The following USP33 variants were observed in gnomAD, a reference collection of about 807,000 sequenced individuals.
USP33 encodes the protein ubiquitin carboxyl-terminal hydrolase 33.
USP33 carries 46 observed loss-of-function variants against 124.2 expected under a neutral mutation model. The observed-to-expected ratio is 0.37, with a 90% CI of 0.29 to 0.47. USP33 has a LOEUF of 0.47. USP33 is among the 20% of genes least tolerant of loss of function. The pLI is 0.99. For missense variants in USP33, 851 were observed against 1,070.6 expected (o/e 0.79, Z 2.86); for synonymous variants, 350 against 352.3 (o/e 0.99, Z 0.07).
At chr1:77,741,330 TTTA>T (rs1478868111) in intron 3 of USP33, 43 bp downstream of exon 3, 2 of 1,539,194 alleles carry the variant, frequency 1.3e-6, no homozygotes, top group Non-Finnish European at 1.7e-6. Context: ...CAGATCCAAA[TTTA>T]TTATTATTAT....
chr1:77,759,033 A>G (rs146207787), intron 1 of USP33, among the ~76,000 whole-genome samples: 87 of 152,332 alleles, frequency 5.7e-4, no homozygotes, highest in African/African-American at 2.0e-3. Flanking sequence ...TACGAGAAAT[A>G]TAAGTAAAGG....
In USP33 at chr1:77,711,563, A is replaced by G; in HGVS notation, c.2406+184T>C. ...CACACACACACACACACACACACAA[A>G]GGGAGAACATAACTCAACAGAACTG... On this transcript the variant is annotated intron_variant, in intron 21 of 23. Transcript: ENST00000370794. 4 of 904,428 alleles carry G rather than the reference A, an allele frequency of 4.4e-6. 1 individual carries two copies. Among genetic ancestry groups the G allele is most frequent in the South Asian group, 2.2e-5 (1 of 46,272 alleles). 56.0% of individuals were successfully genotyped at this position (904,428 alleles called of 1,614,324 possible). A position where few individuals can be genotyped will look rare whatever the true frequency, so the allele number is the denominator to read the frequency against.
intron 22 of USP33, among the ~76,000 whole-genome samples, chr1:77,700,863 G>T (rs1302969426): frequency 6.6e-6 from 1 of 151,900 alleles, no homozygotes; most frequent in Admixed American, 6.6e-5. Flanking sequence ...ACCACACCCA[G>T]CTAATTTTTG....
rs1673605646 is a variant in USP33 at position 77,698,144 on chromosome 1, C to A, written c.2510-213G>T. Among the ~76,000 whole-genome samples the A allele has an allele frequency of 2.0e-5, 3 of 151,004 alleles. No individual in the cohort carries two copies. In the South Asian group the frequency reaches 6.3e-4, roughly 32 times the overall value. On this transcript the variant is annotated intron_variant, in intron 22 of 23. Transcript: ENST00000370794. Reference sequence around the variant, plus strand: ...GCAGTGGCACCATCACAGCTCACTGCAACCTCCGCCTTGGGTTCAAGTGAT... The same window carrying A: ...GCAGTGGCACCATCACAGCTCACTGAAACCTCCGCCTTGGGTTCAAGTGAT...
intron 22 of USP33, among the ~76,000 whole-genome samples, chr1:77,699,628 G>A (rs1375751416): frequency 1.3e-5 from 2 of 152,208 alleles, no homozygotes; most frequent in African/African-American, 2.4e-5. Context: ...GTGGAAGACA[G>A]TGTGGCAATT....
intron 21 of USP33, among the ~76,000 whole-genome samples, chr1:77,709,619 T>G (rs1021186988): frequency 6.6e-6 from 1 of 150,936 alleles, no homozygotes; most frequent in Non-Finnish European, 1.5e-5. Context: ...GAACATATTC[T>G]CTCTCTATAT....
intron 5 of USP33, among the ~76,000 whole-genome samples, chr1:77,737,559 G>A (rs1218706460): frequency 6.6e-6 from 1 of 152,036 alleles, no homozygotes; most frequent in Non-Finnish European, 1.5e-5. Flanking sequence ...ATAAGTTTTG[G>A]ACCACTAAAG....
rs1557808752 is a variant in USP33 at position 77,701,459 on chromosome 1, A to T, written c.2419T>A (p.Phe807Ile). The part of the protein sequence containing the change: ...LEIFIRLNRA[F>I]QKEDSPATFY... Reference sequence around the variant, plus strand: ...GTAGCTGGAGAGTCCTCTTTTTGGAACGCTCTGTTAAGCTACAAGGGGGAA... The same window carrying T: ...GTAGCTGGAGAGTCCTCTTTTTGGATCGCTCTGTTAAGCTACAAGGGGGAA... Residue 807 changes from phenylalanine to isoleucine, a missense_variant, in exon 22 of 24, where the codon TTC (phenylalanine) becomes ATC (isoleucine). Physicochemically the swap from Phe to Ile is conservative, Grantham distance 21. Transcript: ENST00000370794. 6.2e-7 allele frequency: 1 copy of T among 1,612,116 alleles called. No homozygotes were observed. Among genetic ancestry groups the T allele is most frequent in the African/African-American group, 1.3e-5 (1 of 74,852 alleles).
chr1:77,745,993 C>T (rs1679706091), intron 1 of USP33, among the ~76,000 whole-genome samples: 1 of 152,088 alleles, frequency 6.6e-6, no homozygotes, highest in Non-Finnish European at 1.5e-5. Flanking sequence ...AGAGCAAACA[C>T]AGTCAGAAGC....
chr1:77,716,091 C>T (rs1268030471), intron 17 of USP33, among the ~76,000 whole-genome samples: 1 of 152,118 alleles, frequency 6.6e-6, no homozygotes, highest in Non-Finnish European at 1.5e-5. Flanking sequence ...CACAGTCTTG[C>T]TCTGTTGCCC....
rs575086187 is a variant in USP33 at position 77,705,308 on chromosome 1, C to T, written c.2407-3837G>A. Among the ~76,000 whole-genome samples the T allele has an allele frequency of 8.6e-5, 13 of 151,896 alleles. No homozygotes were observed. The South Asian group carries it at 2.7e-3, about 32-fold the overall frequency. On this transcript the variant is annotated intron_variant, in intron 21 of 23. Transcript: ENST00000370794. ...CTCCCCAATTCAAGCGATTCTCCTG[C>T]CTCGGCCTCCCTAGTAGCTGGGATT...
intron 1 of USP33, among the ~76,000 whole-genome samples, chr1:77,755,250 G>T (rs1680692862): frequency 6.6e-6 from 1 of 152,044 alleles, no homozygotes; most frequent in Non-Finnish European, 1.5e-5. Flanking sequence ...AAGAAAGAAA[G>T]AATATGAGAA....
chr1:77,701,007 A>G (rs1208130441), intron 22 of USP33, among the ~76,000 whole-genome samples: 1 of 152,162 alleles, frequency 6.6e-6, no homozygotes, highest in Non-Finnish European at 1.5e-5. Flanking sequence ...CACATATCAG[A>G]ATATCTTATT....
chr1:77,747,914 C>T (rs754129000), intron 1 of USP33, among the ~76,000 whole-genome samples: 1 of 152,154 alleles, frequency 6.6e-6, no homozygotes, highest in Non-Finnish European at 1.5e-5. Flanking sequence ...TTTATTAAAT[C>T]TGCACATATA....
Position 77,729,923 on chromosome 1 carries a change from C to T in USP33, c.654G>A (p.Val218=). The T allele has an allele frequency of 6.2e-7, 1 of 1,613,202 alleles. No individual in the cohort carries two copies. The highest frequency in any genetic ancestry group is 8.5e-7 in the Non-Finnish European group (1 of 1,179,636). Residue 218 remains valine (V), a synonymous_variant, in exon 9 of 24, where the codon GTG becomes GTA. Coordinates refer to ENST00000370794, the MANE Select transcript of USP33 (RefSeq NM_201624.3). ...LWHKSRPGSV[V]PTTLFQGIKT... is the part of the protein sequence containing the mutation. ...TAATTCCTTGAAACAGAGTAGTAGG[C>T]ACAACAGATCCTGGCCTGAGCAAGA... is the stretch of plus-strand genomic sequence containing the variant.
chr1:77,721,044 T>C (rs998749994), intron 15 of USP33, 128 bp downstream of exon 15: 45 of 980,552 alleles, frequency 4.6e-5, no homozygotes, highest in Non-Finnish European at 6.6e-5. Context: ...ATCTCTATTA[T>C]TACTAGGATA....
chr1:77,725,484 G>T, intron 11 of USP33, 138 bp downstream of exon 11: 1 of 1,261,412 alleles, frequency 7.9e-7, no homozygotes, highest in Non-Finnish European at 1.1e-6. Context: ...TTTTAATCAT[G>T]TCTATGTAAA....
Position 77,701,443 on chromosome 1 carries a change from G to A in USP33, c.2435C>T (p.Ser812Phe). 6.2e-7 allele frequency: 1 copy of A among 1,612,860 alleles called. No homozygotes were observed. The highest frequency in any genetic ancestry group is 2.2e-5 in the East Asian group (1 of 44,796). The part of the protein sequence containing the change: ...RLNRAFQKED[S>F]PATFYCISMQ... ...ACTGATGCAATAAAAAGTAGCTGGAGAGTCCTCTTTTTGGAACGCTCTGTT... is the reference window on the plus strand; with the variant it reads ...ACTGATGCAATAAAAAGTAGCTGGAAAGTCCTCTTTTTGGAACGCTCTGTT... Residue 812 changes from serine (S) to phenylalanine (F), a missense_variant, in exon 22 of 24, where the codon TCT (serine) becomes TTT (phenylalanine). By Grantham distance (155) the Ser-to-Phe change is radical. Coordinates refer to ENST00000370794, the MANE Select transcript of USP33 (RefSeq NM_201624.3).
At chr1:77,745,449 T>A (rs919296572) in intron 1 of USP33, 4 of 152,854 alleles carry the variant, frequency 2.6e-5, no homozygotes, top group African/African-American at 9.6e-5. Flanking sequence ...TATGTGTGAA[T>A]TTGATCCTGT....
Sources: allele counts gnomAD v4.1 joint callset (sites outside exome capture counted in the v4.1 genomes callset), GRCh38; gene constraint gnomAD v4.1.1; transcripts MANE v1.5; gene names NCBI Gene and HGNC (gene_info 2026-07-23, HGNC 2026-07-21).